CDH20: variants seen among roughly 807,000 people sequenced by gnomAD.
CDH20 encodes cadherin-20.
CDH20 carries 29 observed loss-of-function variants against 74.2 expected under a neutral mutation model. The observed-to-expected ratio is 0.39, with a 90% CI of 0.29 to 0.53. The LOEUF (loss-of-function observed/expected upper bound fraction) is 0.53, where lower values mean the gene tolerates loss of function less well. CDH20 is among the 20% of genes least tolerant of loss of function. CDH20 has a pLI of 0.69. For missense variants in CDH20, 988 were observed against 1,048.3 expected (o/e 0.94, Z 0.79); for synonymous variants, 469 against 405.4 (o/e 1.16, Z -1.88).
At chr18:61,416,347 C>T (rs903671799) in intron 1 of CDH20, among the ~76,000 whole-genome samples, 42 of 152,164 alleles carry the variant, frequency 2.8e-4, no homozygotes, top group African/African-American at 1.0e-3. Context: ...AAACCAATAA[C>T]ATTTGCCATT....
chr18:61,341,905 C>T (rs898028338), intron 1 of CDH20, among the ~76,000 whole-genome samples: 1 of 152,132 alleles, frequency 6.6e-6, no homozygotes, highest in African/African-American at 2.4e-5. Flanking sequence ...TTAGCTGATA[C>T]CCTCATCTCC....
chr18:61,505,629 C>A (rs138443638), intron 5 of CDH20, among the ~76,000 whole-genome samples: 1 of 152,170 alleles, frequency 6.6e-6, no homozygotes, highest in East Asian at 1.9e-4. Flanking sequence ...AGCCACCACA[C>A]CCAGCCTCAA....
intron 9 of CDH20, among the ~76,000 whole-genome samples, chr18:61,541,609 G>A (rs1913041728): frequency 1.3e-5 from 2 of 152,116 alleles, no homozygotes; most frequent in African/African-American, 4.8e-5. Flanking sequence ...GTCACCTTTA[G>A]GCCAAGATAC....
At position 61,333,628 on chromosome 18, in the gene CDH20, G is replaced by T. The variant is rs1423311794; in HGVS notation, c.-352G>T. 2.4e-5 allele frequency: 3 copies of T among 127,492 alleles called. No individual in the cohort carries two copies. The highest frequency in any genetic ancestry group is 4.7e-5 in the Non-Finnish European group (3 of 63,724). The allele number at this position is 127,492 out of a possible 1,614,324, so 7.9% of individuals were successfully genotyped here. ...CCTGGCAACCGCACGGAGACTTTGC[G>T]AAACATCCGAAGGCAGAAAAGCTGT... is the stretch of plus-strand genomic sequence containing the variant. On this transcript the variant is annotated 5_prime_UTR_variant, in exon 1 of 12. Transcript: ENST00000262717.
intron 1 of CDH20, among the ~76,000 whole-genome samples, chr18:61,479,209 C>T (rs527878638): frequency 5.9e-5 from 9 of 151,796 alleles, no homozygotes; most frequent in African/African-American, 2.2e-4. Context: ...AGAATATTTG[C>T]ATGGGCCAAA....
chr18:61,383,034 G>A (rs1384757339), intron 1 of CDH20, among the ~76,000 whole-genome samples: 1 of 152,020 alleles, frequency 6.6e-6, no homozygotes, highest in African/African-American at 2.4e-5. Flanking sequence ...TAAAATGAAG[G>A]CAATCATGGT....
intron 1 of CDH20, among the ~76,000 whole-genome samples, chr18:61,369,508 T>A (rs937879264): frequency 1.3e-5 from 2 of 152,164 alleles, no homozygotes; most frequent in African/African-American, 2.4e-5. Context: ...AAGAGGTGTA[T>A]ATTCCATGTT....
At chr18:61,374,531 T>G (rs1197839536) in intron 1 of CDH20, among the ~76,000 whole-genome samples, 1 of 152,202 alleles carries the variant, frequency 6.6e-6, no homozygotes, top group Non-Finnish European at 1.5e-5. Context: ...GAAATATTTT[T>G]GTATTCTGCC....
At chr18:61,446,084 G>T (rs1265013807) in intron 1 of CDH20, among the ~76,000 whole-genome samples, 1 of 152,140 alleles carries the variant, frequency 6.6e-6, no homozygotes, top group Non-Finnish European at 1.5e-5. Flanking sequence ...CCTAGCCTCA[G>T]AACCCACACA....
chr18:61,519,306 A>G (rs2144354530), intron 6 of CDH20, among the ~76,000 whole-genome samples: 1 of 151,298 alleles, frequency 6.6e-6, no homozygotes, highest in Non-Finnish European at 1.5e-5. Context: ...GAGCAACCCC[A>G]AGACACATAA....
intron 1 of CDH20, among the ~76,000 whole-genome samples, chr18:61,490,177 C>A (rs1221409716): frequency 6.6e-6 from 1 of 152,036 alleles, no homozygotes. Flanking sequence ...AGTTTTATTC[C>A]CACCGAATCT....
chr18:61,454,606 C>G (rs1444380236), intron 1 of CDH20, among the ~76,000 whole-genome samples: 1 of 152,202 alleles, frequency 6.6e-6, no homozygotes, highest in Non-Finnish European at 1.5e-5. Flanking sequence ...CAGCCACCCT[C>G]TTCTAAAAAT....
intron 11 of CDH20, among the ~76,000 whole-genome samples, chr18:61,552,554 C>T (rs1913473781): frequency 6.6e-6 from 1 of 152,156 alleles, no homozygotes; most frequent in African/African-American, 2.4e-5. Flanking sequence ...AATACCGCCC[C>T]TACCACTTCA....
At chr18:61,424,451 T>C (rs951342823) in intron 1 of CDH20, among the ~76,000 whole-genome samples, 1 of 152,196 alleles carries the variant, frequency 6.6e-6, no homozygotes, top group African/African-American at 2.4e-5. Context: ...TTAGCACTGA[T>C]TATTATTTGT....
At chr18:61,385,569 C>CA (rs923985352) in intron 1 of CDH20, among the ~76,000 whole-genome samples, 11 of 145,564 alleles carry the variant, frequency 7.6e-5, no homozygotes, top group African/African-American at 1.7e-4. Context: ...AATGAAAAGG[C>CA]AAAAAAAAAT....
At chr18:61,450,061 TAGC>T (rs373273228) in intron 1 of CDH20, among the ~76,000 whole-genome samples, 23 of 151,948 alleles carry the variant, frequency 1.5e-4, no homozygotes, top group African/African-American at 4.3e-4. Flanking sequence ...CATATTTTAG[TAGC>T]AGCAGCAGCA....
intron 6 of CDH20, among the ~76,000 whole-genome samples, chr18:61,516,794 A>T (rs1355468683): frequency 6.6e-6 from 1 of 152,160 alleles, no homozygotes; most frequent in Non-Finnish European, 1.5e-5. Flanking sequence ...AGGTGGGAGG[A>T]TCTCTTAAGC....
intron 1 of CDH20, among the ~76,000 whole-genome samples, chr18:61,479,981 G>A (rs1910531038): frequency 6.6e-6 from 1 of 152,148 alleles, no homozygotes. Flanking sequence ...CTTCCATGGT[G>A]AAAGTCTATC....
At chr18:61,335,066 G>A (rs975181948) in intron 1 of CDH20, among the ~76,000 whole-genome samples, 1 of 152,112 alleles carries the variant, frequency 6.6e-6, no homozygotes, top group African/African-American at 2.4e-5. Flanking sequence ...ACAAAAAGTT[G>A]AAACTAGGAT....
Sources: allele counts gnomAD v4.1 joint callset (sites outside exome capture counted in the v4.1 genomes callset), GRCh38; gene constraint gnomAD v4.1.1; transcripts MANE v1.5; gene names NCBI Gene and HGNC (gene_info 2026-07-23, HGNC 2026-07-21).